Variants in ZNF609 observed in about 807,000 individuals in gnomAD.
ZNF609 encodes zinc finger protein 609.
In ZNF609, 11 loss-of-function variants were observed where a neutral mutation model predicts 109.5. That is an observed-to-expected ratio of 0.10 (90% CI 0.06 to 0.17). ZNF609 has a LOEUF of 0.17. Among genes scored for constraint, ZNF609 ranks in the 10% least tolerant of loss-of-function variants. The pLI is 1.00. For synonymous variants in ZNF609, 646 were observed against 662.0 expected (o/e 0.98, Z 0.37); for missense variants, 1,559 against 1,772.4 (o/e 0.88, Z 2.16).
chr15:64,509,510 A>G (rs1893686229), intron 2 of ZNF609, among the ~76,000 whole-genome samples: 1 of 152,224 alleles, frequency 6.6e-6, no homozygotes, highest in Non-Finnish European at 1.5e-5. Context: ...TGAAGAATTA[A>G]TCCCCTGAAG....
At position 64,628,144 on chromosome 15, in the gene ZNF609, A is replaced by G. The variant is rs538824262; in HGVS notation, c.973+5092A>G. On this transcript the variant is annotated intron_variant, in intron 3 of 9. Transcript: ENST00000326648. Reference sequence around the variant, plus strand: ...TTTTTTTAAATCTATGCCTTAAACCATGGAATCAGGGCCAGGCACAGTGGC... The same window carrying G: ...TTTTTTTAAATCTATGCCTTAAACCGTGGAATCAGGGCCAGGCACAGTGGC... 9.8e-4 allele frequency among the ~76,000 whole-genome samples: 148 copies of G among 151,740 alleles called. 1 individual carries two copies. In the South Asian group the frequency reaches 0.011, roughly 12 times the overall value.
At chr15:64,576,728 C>G (rs557229312) in intron 2 of ZNF609, among the ~76,000 whole-genome samples, 1 of 147,626 alleles carries the variant, frequency 6.8e-6, no homozygotes, top group South Asian at 2.1e-4. Context: ...CACTCGAGGT[C>G]AGGAGTTCGA....
At chr15:64,665,742 A>G (rs1896636731) in intron 3 of ZNF609, among the ~76,000 whole-genome samples, 1 of 152,046 alleles carries the variant, frequency 6.6e-6, no homozygotes, top group South Asian at 2.1e-4. Context: ...CCCCATATCT[A>G]CTAAAAATAT....
At chr15:64,516,352 T>C (rs983806983) in intron 2 of ZNF609, among the ~76,000 whole-genome samples, 4 of 152,154 alleles carry the variant, frequency 2.6e-5, no homozygotes, top group Non-Finnish European at 5.9e-5. Flanking sequence ...AGAAACCTCA[T>C]AGAGGTGGGG....
At chr15:64,633,394 A>G (rs1460067354) in intron 3 of ZNF609, among the ~76,000 whole-genome samples, 1 of 152,000 alleles carries the variant, frequency 6.6e-6, no homozygotes, top group East Asian at 1.9e-4. Flanking sequence ...TGATCCGCCC[A>G]CTTCAGCCTG....
intron 2 of ZNF609, among the ~76,000 whole-genome samples, chr15:64,606,769 G>A (rs111384275): frequency 0.014 from 2,114 of 152,088 alleles, 16 homozygotes; most frequent in Non-Finnish European, 0.019. Context: ...TTGGGAGGCC[G>A]AGGCAGGAGG....
chr15:64,658,032 A>G (rs1211496811), intron 3 of ZNF609, among the ~76,000 whole-genome samples: 1 of 152,150 alleles, frequency 6.6e-6, no homozygotes, highest in African/African-American at 2.4e-5. Flanking sequence ...GCACTGGTAG[A>G]AGTGGCTTGA....
chr15:64,644,075 A>C (rs1463343680), intron 3 of ZNF609, among the ~76,000 whole-genome samples: 1 of 151,580 alleles, frequency 6.6e-6, no homozygotes, highest in Non-Finnish European at 1.5e-5. Flanking sequence ...GTATACTCTA[A>C]CCTGGGCAAC....
chr15:64,567,906 C>T (rs1894803665), intron 2 of ZNF609, among the ~76,000 whole-genome samples: 1 of 151,916 alleles, frequency 6.6e-6, no homozygotes, highest in Non-Finnish European at 1.5e-5. Context: ...CGTGATCTGC[C>T]CACCTCAGCC....
At chr15:64,630,091 C>CTTTTTTTTT (rs200425813) in intron 3 of ZNF609, among the ~76,000 whole-genome samples, 11 of 143,054 alleles carry the variant, frequency 7.7e-5, no homozygotes, top group African/African-American at 1.6e-4. Context: ...TCCTAATTTT[C>CTTTTTTTTT]TTTTTTCTTT....
chr15:64,511,714 A>C (rs995996430), intron 2 of ZNF609, among the ~76,000 whole-genome samples: 4 of 137,018 alleles, frequency 2.9e-5, no homozygotes, highest in African/African-American at 1.1e-4. Context: ...CAAGCATGTA[A>C]TTTTTTTTTT....
chr15:64,523,477 A>G (rs1893922386), intron 2 of ZNF609, among the ~76,000 whole-genome samples: 1 of 152,152 alleles, frequency 6.6e-6, no homozygotes, highest in Admixed American at 6.6e-5. Flanking sequence ...AAATCTTTGA[A>G]AATCTGCTAT....
At chr15:64,467,803 C>T (rs1279858571) in intron 1 of ZNF609, among the ~76,000 whole-genome samples, 1 of 152,064 alleles carries the variant, frequency 6.6e-6, no homozygotes, top group Non-Finnish European at 1.5e-5. Flanking sequence ...GGAGATCGTG[C>T]CACTGCATTC....
chr15:64,530,822 C>G (rs1294437680), intron 2 of ZNF609, among the ~76,000 whole-genome samples: 1 of 152,080 alleles, frequency 6.6e-6, no homozygotes, highest in African/African-American at 2.4e-5. Flanking sequence ...ATACATACCC[C>G]TAGAGAGAAG....
intron 2 of ZNF609, among the ~76,000 whole-genome samples, chr15:64,584,501 A>G (rs1895163219): frequency 6.6e-6 from 1 of 151,972 alleles, no homozygotes. Context: ...GAGTTTCGCC[A>G]TGTTAGCCAG....
chr15:64,577,038 A>G (rs922266175), intron 2 of ZNF609, among the ~76,000 whole-genome samples: 40 of 130,440 alleles, frequency 3.1e-4, no homozygotes, highest in African/African-American at 5.6e-4. Context: ...ATATATGTAT[A>G]TATACACATA....
chr15:64,578,107 T>C (rs1481656173), intron 2 of ZNF609, among the ~76,000 whole-genome samples: 1 of 152,000 alleles, frequency 6.6e-6, no homozygotes, highest in Non-Finnish European at 1.5e-5. Context: ...AGGAAAAGAT[T>C]GATAGATTTT....
At chr15:64,590,449 G>A (rs1319581760) in intron 2 of ZNF609, among the ~76,000 whole-genome samples, 1 of 151,988 alleles carries the variant, frequency 6.6e-6, no homozygotes, top group East Asian at 1.9e-4. Context: ...AGCTTCCTGA[G>A]TAGCTGGGAT....
intron 2 of ZNF609, among the ~76,000 whole-genome samples, chr15:64,588,051 C>G (rs905273375): frequency 6.6e-6 from 1 of 151,792 alleles, no homozygotes; most frequent in Non-Finnish European, 1.5e-5. Flanking sequence ...AGGAGGATCT[C>G]TTAAGCCCGG....
Sources: gnomAD v4.1 joint callset for allele counts (sites outside exome capture counted in the v4.1 genomes callset) on GRCh38, gnomAD v4.1.1 for gene constraint, MANE v1.5 for transcripts, NCBI Gene and HGNC (gene_info 2026-07-23, HGNC 2026-07-21) for gene names.